The following PCDH11Y variants were observed in gnomAD, a reference collection of about 807,000 sequenced individuals.
PCDH11Y encodes protocadherin 11 Y-linked.
For missense variants in PCDH11Y, 12 were observed against 224.8 expected (o/e 0.05, Z 6.05); for synonymous variants, 9 against 83.6 (o/e 0.11, Z 4.87).
Position 5,470,046 on chromosome Y carries a change from A to ATT in PCDH11Y, c.3130-30996_3130-30995dup, listed in dbSNP as rs35600927. On this transcript the variant is annotated intron_variant, in intron 2 of 4. Transcript: ENST00000400457. The stretch of plus-strand genomic sequence containing the variant: ...TATAATATTTCTGGTAAGTTTTTTG[A>ATT]TTTTTTTTTTTTTTTTGCTTAGGTA... 1.5e-3 allele frequency among the ~76,000 whole-genome samples: 28 copies of ATT among 18,512 alleles called. No homozygotes were observed. In the South Asian group the frequency reaches 0.025, roughly 17 times the overall value. The allele number at this position is 18,512 out of a possible 37,273, so 49.7% of individuals were successfully genotyped here.
intron 2 of PCDH11Y, among the ~76,000 whole-genome samples, chrY:5,387,724 G>C: frequency 3.2e-5 from 1 of 30,956 alleles, no homozygotes; most frequent in African/African-American, 1.3e-4. Flanking sequence ...CAGGGCCCTA[G>C]AACTCCCAAG....
At chrY:5,019,799 A>G in intron 1 of PCDH11Y, among the ~76,000 whole-genome samples, 1 of 31,110 alleles carries the variant, frequency 3.2e-5, no homozygotes, top group African/African-American at 1.3e-4. Flanking sequence ...CTATTTTTGT[A>G]GGACTTAGGT....
At chrY:5,243,498 AT>A (rs546533117) in intron 2 of PCDH11Y, among the ~76,000 whole-genome samples, 56 of 25,146 alleles carry the variant, frequency 2.2e-3, no homozygotes, top group East Asian at 2.6e-3. Flanking sequence ...GGAGCTACAG[AT>A]TTTTTTTTTT....
intron 2 of PCDH11Y, among the ~76,000 whole-genome samples, chrY:5,446,913 G>A (rs2053288156): frequency 3.0e-5 from 1 of 33,097 alleles, no homozygotes; most frequent in Non-Finnish European, 7.4e-5. Context: ...GCAGCGCAGG[G>A]AACTGGTTGG....
intron 3 of PCDH11Y, among the ~76,000 whole-genome samples, chrY:5,039,639 C>G (rs1602842580): frequency 3.0e-5 from 1 of 33,244 alleles, no homozygotes; most frequent in African/African-American, 1.2e-4. Context: ...ATTCTAAAAA[C>G]CAAAAAGTCT....
chrY:5,320,191 A>G (rs2053111157), intron 2 of PCDH11Y, among the ~76,000 whole-genome samples: 1 of 33,674 alleles, frequency 3.0e-5, no homozygotes, highest in Non-Finnish European at 7.4e-5. Context: ...TAATTCAGGC[A>G]GAAAGTCACC....
chrY:5,474,512 A>ATT, intron 2 of PCDH11Y, among the ~76,000 whole-genome samples: 1 of 29,665 alleles, frequency 3.4e-5, no homozygotes, highest in South Asian at 7.5e-4. Context: ...TCTCTAATCT[A>ATT]TTTTTTTTTG....
chrY:5,294,735 T>C (rs1602900361), intron 2 of PCDH11Y, among the ~76,000 whole-genome samples: 1 of 33,586 alleles, frequency 3.0e-5, no homozygotes, highest in East Asian at 7.8e-4. Flanking sequence ...TTATTTTTGA[T>C]TGGTTCATAA....
chrY:5,519,145 C>G, intron 3 of PCDH11Y, among the ~76,000 whole-genome samples: 1 of 32,686 alleles, frequency 3.1e-5, no homozygotes, highest in African/African-American at 1.2e-4. Context: ...AATCCCAGCA[C>G]TTTGGGAGGG....
intron 1 of PCDH11Y, among the ~76,000 whole-genome samples, chrY:5,089,567 G>A (rs2563344): frequency 8.9e-4 from 30 of 33,692 alleles, no homozygotes; most frequent in African/African-American, 3.5e-3. Flanking sequence ...TTATTCACCA[G>A]GGACTTGATT....
chrY:5,320,463 G>C, intron 2 of PCDH11Y, among the ~76,000 whole-genome samples: 3 of 33,286 alleles, frequency 9.0e-5, no homozygotes, highest in Non-Finnish European at 1.5e-4. Flanking sequence ...ATTACTTTTT[G>C]CTATTCAAGT....
intron 3 of PCDH11Y, among the ~76,000 whole-genome samples, chrY:5,535,821 A>G: frequency 1.5e-4 from 5 of 33,714 alleles, no homozygotes; most frequent in Non-Finnish European, 3.7e-4. Flanking sequence ...TGTTTTCCAT[A>G]GTGGTTGTAC....
chrY:5,284,118 C>G, intron 2 of PCDH11Y, among the ~76,000 whole-genome samples: 1 of 32,130 alleles, frequency 3.1e-5, no homozygotes, highest in Non-Finnish European at 7.7e-5. Context: ...AGATATGAAG[C>G]CTCAATGGTG....
At chrY:5,436,344 A>G (rs2053275174) in intron 2 of PCDH11Y, among the ~76,000 whole-genome samples, 46 of 33,654 alleles carry the variant, frequency 1.4e-3, no homozygotes, top group Non-Finnish European at 6.6e-4. Flanking sequence ...TAATTACTAT[A>G]ACATTTCCCA....
At chrY:5,704,840 T>C in intron 4 of PCDH11Y, among the ~76,000 whole-genome samples, 4 of 33,400 alleles carry the variant, frequency 1.2e-4, no homozygotes, top group Admixed American at 1.1e-3. Context: ...ACCCATAATA[T>C]CATAAAATAT....
intron 2 of PCDH11Y, among the ~76,000 whole-genome samples, chrY:5,212,281 G>A: frequency 3.3e-5 from 1 of 30,134 alleles, no homozygotes; most frequent in African/African-American, 1.3e-4. Context: ...TAGAAAAAAA[G>A]AGAAACAAAA....
At position 5,520,034 on chromosome Y, in the gene PCDH11Y, T is replaced by C. The variant is rs2124690096; in HGVS notation, c.3328+18779T>C. On this transcript the variant is annotated intron_variant, in intron 3 of 4. Transcript: ENST00000400457. ...TTCAAGACCATCTTGGCCAACATGG[T>C]GAAACCGGTCTACAAAAAAAAAAAA... Among the ~76,000 whole-genome samples the C allele has an allele frequency of 4.9e-4, 10 of 20,581 alleles. No individual in the cohort carries two copies. In the South Asian group the frequency reaches 0.013, roughly 26 times the overall value. The allele number at this position is 20,581 out of a possible 37,273, so 55.2% of individuals were successfully genotyped here.
chrY:5,261,325 A>G, intron 2 of PCDH11Y, among the ~76,000 whole-genome samples: 1 of 33,351 alleles, frequency 3.0e-5, no homozygotes, highest in Non-Finnish European at 7.4e-5. Flanking sequence ...GAGGGCTCAG[A>G]AGAAGACAGG....
At chrY:5,664,763 G>A in intron 4 of PCDH11Y, among the ~76,000 whole-genome samples, 3 of 30,528 alleles carry the variant, frequency 9.8e-5, no homozygotes, top group Non-Finnish European at 1.6e-4. Flanking sequence ...CCATCATGCC[G>A]GGCTAATTTT....
Sources: gnomAD v4.1 joint callset for allele counts (sites outside exome capture counted in the v4.1 genomes callset) on GRCh38, gnomAD v4.1.1 for gene constraint, MANE v1.5 for transcripts, NCBI Gene and HGNC (gene_info 2026-07-23, HGNC 2026-07-21) for gene names.